The following AFF3 variants were observed in gnomAD, a reference collection of about 807,000 sequenced individuals.
AFF3 encodes the protein AF4/FMR2 family member 3.
A neutral mutation model predicts 129.7 loss-of-function variants in AFF3; 32 were observed. The observed-to-expected ratio is 0.25, with a 90% CI of 0.19 to 0.33. The LOEUF (loss-of-function observed/expected upper bound fraction) is 0.33. Among genes scored for constraint, AFF3 ranks in the 10% least tolerant of loss-of-function variants. The pLI is 1.00. For synonymous variants in AFF3, 644 were observed against 635.4 expected, an observed-to-expected ratio of 1.01 and a Z score of -0.20; for missense variants, 1,373 against 1,592.0, an observed-to-expected ratio of 0.86 and a Z score of 2.34.
At chr2:100,039,329 CAGG>C (rs1427360979) in intron 4 of AFF3, among the ~76,000 whole-genome samples, 1 of 152,156 alleles carries the variant, frequency 6.6e-6, no homozygotes, top group East Asian at 1.9e-4. Flanking sequence ...GAGACCTAGA[CAGG>C]AGGATTGCTT....
rs1020958802 is a variant in AFF3 at position 99,795,988 on chromosome 2, G to A, written c.921+41489C>T. Among the ~76,000 whole-genome samples, 3 of 152,148 alleles carry A rather than the reference G, an allele frequency of 2.0e-5. No homozygotes were observed. In the Middle Eastern group the frequency reaches 0.01, roughly 518 times the overall value. ...AAATTGGATAAAGGATGAGGAACAG[G>A]GGCAATTTAGAAGATTGTTTAGTAT... On this transcript the variant is annotated intron_variant, in intron 8 of 24. Coordinates refer to ENST00000672756, the MANE Select transcript of AFF3 (RefSeq NM_001386135.1).
At chr2:100,026,159 G>C (rs1484759294) in intron 4 of AFF3, among the ~76,000 whole-genome samples, 1 of 151,976 alleles carries the variant, frequency 6.6e-6, no homozygotes, top group Non-Finnish European at 1.5e-5. Context: ...ATCTGACAAA[G>C]GATTAATATC....
chr2:99,711,661 C>T (rs2104872052), intron 11 of AFF3, among the ~76,000 whole-genome samples: 1 of 152,330 alleles, frequency 6.6e-6, no homozygotes, highest in Middle Eastern at 3.4e-3. Context: ...AGAAGACGCA[C>T]AGCGAATGTA....
At chr2:99,698,285 C>T (rs1047691026) in intron 11 of AFF3, among the ~76,000 whole-genome samples, 4 of 152,192 alleles carry the variant, frequency 2.6e-5, no homozygotes, top group African/African-American at 9.7e-5. Flanking sequence ...TCTTCCAGCA[C>T]CACTAATGAG....
chr2:99,787,251 C>A (rs909932321), intron 8 of AFF3, among the ~76,000 whole-genome samples: 1 of 152,072 alleles, frequency 6.6e-6, no homozygotes, highest in African/African-American at 2.4e-5. Flanking sequence ...GCAAACCACC[C>A]GCAAACTCGA....
intron 4 of AFF3, among the ~76,000 whole-genome samples, chr2:100,075,138 C>T (rs908660290): frequency 7.9e-5 from 12 of 151,988 alleles, no homozygotes; most frequent in Non-Finnish European, 1.2e-4. Flanking sequence ...TGTAGGTGGG[C>T]GATGGGATAA....
chr2:100,116,243 G>A (rs770484931), intron 2 of AFF3, among the ~76,000 whole-genome samples: 3 of 151,004 alleles, frequency 2.0e-5, no homozygotes, highest in African/African-American at 4.9e-5. Flanking sequence ...TGTTTTATAT[G>A]TGTCATTTGT....
intron 8 of AFF3, among the ~76,000 whole-genome samples, chr2:99,836,581 C>A (rs1338637147): frequency 2.0e-5 from 3 of 151,940 alleles, no homozygotes; most frequent in African/African-American, 7.3e-5. Context: ...AGAAAAACAT[C>A]TGGCCTTTTA....
At position 100,007,309 on chromosome 2, in the gene AFF3, T is replaced by G; in HGVS notation, c.326A>C (p.Asp109Ala). ...GVPQTPVNKI[D>A]EHFVADSRAQ... ...TCTTGAATCTGCAACAAAATGTTCA[T>G]CGATCTTGTTCACAGGAGTCTGAGG... is the stretch of plus-strand genomic sequence containing the variant. Residue 109 changes from aspartate (D) to alanine (A), a missense_variant, in exon 6 of 25, where the codon GAT becomes GCT. Transcript: ENST00000672756. The G allele has an allele frequency of 6.2e-7, 1 of 1,614,134 alleles. No homozygotes were observed. Among genetic ancestry groups the G allele is most frequent in the South Asian group, 1.1e-5 (1 of 91,076 alleles).
chr2:99,761,813 T>C (rs1424274221), intron 8 of AFF3, among the ~76,000 whole-genome samples: 1 of 152,216 alleles, frequency 6.6e-6, no homozygotes, highest in African/African-American at 2.4e-5. Context: ...GAACACTTAC[T>C]ATGTCACCTT....
At chr2:99,839,778 A>T (rs550615045) in intron 7 of AFF3, among the ~76,000 whole-genome samples, 2 of 151,858 alleles carry the variant, frequency 1.3e-5, no homozygotes, top group South Asian at 4.2e-4. Context: ...TGCCCGGCTA[A>T]TTTTTTTATT....
intron 7 of AFF3, among the ~76,000 whole-genome samples, chr2:99,873,147 A>G (rs936764067): frequency 6.6e-6 from 1 of 152,262 alleles, no homozygotes; most frequent in Non-Finnish European, 1.5e-5. Context: ...TTTCATATTT[A>G]TAGAGTATTA....
At chr2:99,914,766 A>G (rs1468612234) in intron 7 of AFF3, among the ~76,000 whole-genome samples, 1 of 151,960 alleles carries the variant, frequency 6.6e-6, no homozygotes, top group Non-Finnish European at 1.5e-5. Flanking sequence ...ATACAAAAAA[A>G]AAAATTAGCT....
At chr2:99,637,911 A>G (rs1683818116) in intron 13 of AFF3, among the ~76,000 whole-genome samples, 1 of 152,252 alleles carries the variant, frequency 6.6e-6, no homozygotes, top group African/African-American at 2.4e-5. Context: ...AGGGACAGCT[A>G]CATTGGCATT....
At chr2:99,817,662 C>A (rs1275280921) in intron 8 of AFF3, among the ~76,000 whole-genome samples, 1 of 152,196 alleles carries the variant, frequency 6.6e-6, no homozygotes, top group Non-Finnish European at 1.5e-5. Context: ...GCTGGGACTA[C>A]AGGTGCATGC....
At chr2:99,924,860 C>T (rs1383007396) in intron 7 of AFF3, among the ~76,000 whole-genome samples, 1 of 151,480 alleles carries the variant, frequency 6.6e-6, no homozygotes, top group Non-Finnish European at 1.5e-5. Flanking sequence ...TCCATACACA[C>T]CAAAAATGAT....
chr2:100,066,310 G>A (rs960102749), intron 4 of AFF3, among the ~76,000 whole-genome samples: 7 of 152,064 alleles, frequency 4.6e-5, no homozygotes, highest in Admixed American at 2.0e-4. Flanking sequence ...TGAATCAAAC[G>A]GAGAGTAGAA....
At chr2:100,067,825 A>AT (rs533757222) in intron 4 of AFF3, among the ~76,000 whole-genome samples, 68 of 152,312 alleles carry the variant, frequency 4.5e-4, no homozygotes, top group African/African-American at 1.5e-3. Context: ...AGAGACATGA[A>AT]TTTGGGTCTC....
At chr2:99,887,756 C>T (rs1048794477) in intron 7 of AFF3, among the ~76,000 whole-genome samples, 3 of 152,216 alleles carry the variant, frequency 2.0e-5, no homozygotes. Context: ...CAAAAGGCAT[C>T]GTGCTCAACT....
Sources: gnomAD v4.1 joint callset for allele counts (sites outside exome capture counted in the v4.1 genomes callset) on GRCh38, gnomAD v4.1.1 for gene constraint, MANE v1.5 for transcripts, NCBI Gene and HGNC (gene_info 2026-07-23, HGNC 2026-07-21) for gene names.